The following CPNE8 variants were observed in gnomAD, a reference collection of about 807,000 sequenced individuals.
CPNE8 encodes copine-8.
Under a neutral mutation model 81.5 loss-of-function variants are expected in CPNE8, and 45 were observed. The ratio of observed to expected loss-of-function variants is 0.55; its 90% CI spans 0.44 to 0.71. The LOEUF (loss-of-function observed/expected upper bound fraction) is 0.71, where lower values mean the gene tolerates loss of function less well. Among genes scored for constraint, CPNE8 ranks in the 30% least tolerant of loss-of-function variants. The pLI is 0.00. For synonymous variants in CPNE8, 252 were observed against 226.3 expected (o/e 1.11, Z -1.02); for missense variants, 594 against 672.1 (o/e 0.88, Z 1.28).
intron 6 of CPNE8, among the ~76,000 whole-genome samples, chr12:38,797,298 C>T (rs994459492): frequency 1.3e-5 from 2 of 152,180 alleles, no homozygotes; most frequent in African/African-American, 4.8e-5. Context: ...GAGGCACCCC[C>T]CAGTAGGGGC....
chr12:38,742,713 T>TAA (rs1941139092), intron 10 of CPNE8, among the ~76,000 whole-genome samples: 1 of 69,626 alleles, frequency 1.4e-5, no homozygotes, highest in Admixed American at 1.4e-4. Context: ...TAAATAAATA[T>TAA]AAAACATAAA....
At chr12:38,833,072 A>C (rs114742284) in intron 5 of CPNE8, among the ~76,000 whole-genome samples, 1 of 151,980 alleles carries the variant, frequency 6.6e-6, no homozygotes, top group African/African-American at 2.4e-5. Context: ...TTTTGGCTAC[A>C]CCAGGAGCAG....
chr12:38,833,351 CAAAAA>C (rs774534221), intron 5 of CPNE8, among the ~76,000 whole-genome samples: 7 of 61,870 alleles, frequency 1.1e-4, no homozygotes, highest in Admixed American at 1.9e-4. Context: ...GACCTTATCT[CAAAAA>C]AAAAAAAAAA....
intron 6 of CPNE8, among the ~76,000 whole-genome samples, chr12:38,793,597 G>A (rs987641492): frequency 2.2e-4 from 33 of 151,862 alleles, no homozygotes; most frequent in African/African-American, 7.0e-4. Context: ...GACATCTCAT[G>A]TTCATAGATT....
At chr12:38,740,707 T>A (rs909491894) in intron 10 of CPNE8, among the ~76,000 whole-genome samples, 1 of 152,336 alleles carries the variant, frequency 6.6e-6, no homozygotes, top group East Asian at 1.9e-4. Flanking sequence ...GATTTGCATA[T>A]GTTGAACCAG....
intron 19 of CPNE8, 44 bp downstream of exon 19, chr12:38,670,685 A>G: frequency 5.2e-6 from 7 of 1,334,618 alleles, no homozygotes; most frequent in Non-Finnish European, 7.4e-6. Flanking sequence ...GATCCCAATG[A>G]TATTTTCTAG....
At chr12:38,867,605 A>G (rs1205969889) in intron 3 of CPNE8, among the ~76,000 whole-genome samples, 1 of 152,178 alleles carries the variant, frequency 6.6e-6, no homozygotes, top group African/African-American at 2.4e-5. Flanking sequence ...CAAATTCTAT[A>G]ATTTTAAATG....
intron 13 of CPNE8, 43 bp downstream of exon 13, chr12:38,723,729 A>T (rs780404458): frequency 8.1e-7 from 1 of 1,237,130 alleles, no homozygotes; most frequent in Non-Finnish European, 1.2e-6. Context: ...CACAAATTTT[A>T]GGAAATGCCT....
intron 15 of CPNE8, among the ~76,000 whole-genome samples, chr12:38,690,159 A>G (rs1389353206): frequency 1.3e-5 from 2 of 152,190 alleles, no homozygotes; most frequent in East Asian, 3.8e-4. Context: ...GTTAGAGAAC[A>G]TATATCACAA....
chr12:38,657,201 G>A (rs1435443761), intron 19 of CPNE8, among the ~76,000 whole-genome samples: 2 of 152,202 alleles, frequency 1.3e-5, no homozygotes, highest in Admixed American at 6.5e-5. Flanking sequence ...CATGGTCTTA[G>A]CAACTGGCAG....
chr12:38,902,356 G>GAA (rs748176112), intron 1 of CPNE8, among the ~76,000 whole-genome samples: 4 of 59,108 alleles, frequency 6.8e-5, no homozygotes, highest in African/African-American at 5.0e-4. Context: ...AAGAAAGAAA[G>GAA]AAAGAAAGAA....
chr12:38,896,794 G>A (rs377171093), intron 1 of CPNE8, among the ~76,000 whole-genome samples: 9 of 152,062 alleles, frequency 5.9e-5, no homozygotes, highest in East Asian at 5.8e-4. Context: ...ATAACATGCA[G>A]CTTTATCACT....
chr12:38,709,604 A>T (rs1940198072), intron 13 of CPNE8, among the ~76,000 whole-genome samples: 1 of 152,204 alleles, frequency 6.6e-6, no homozygotes, highest in African/African-American at 2.4e-5. Flanking sequence ...AGGCCCATTA[A>T]GTAGATGACT....
intron 6 of CPNE8, among the ~76,000 whole-genome samples, chr12:38,778,029 A>G (rs937953750): frequency 6.6e-6 from 1 of 152,136 alleles, no homozygotes; most frequent in Admixed American, 6.5e-5. Flanking sequence ...TCACCCCCAC[A>G]TGGGACCATC....
At chr12:38,658,931 G>C (rs917047964) in intron 19 of CPNE8, among the ~76,000 whole-genome samples, 9 of 152,182 alleles carry the variant, frequency 5.9e-5, no homozygotes, top group African/African-American at 1.9e-4. Flanking sequence ...ACTTGTACCA[G>C]CCACTGCAAA....
At chr12:38,795,704 G>T (rs542654519) in intron 6 of CPNE8, among the ~76,000 whole-genome samples, 1 of 152,028 alleles carries the variant, frequency 6.6e-6, no homozygotes. Flanking sequence ...GGTAATTACC[G>T]GCAGCTAGAG....
chr12:38,817,747 C>T (rs946261096), intron 6 of CPNE8, among the ~76,000 whole-genome samples: 2 of 150,946 alleles, frequency 1.3e-5, no homozygotes, highest in African/African-American at 4.9e-5. Flanking sequence ...CCTCAGCCTC[C>T]CGAGTAGCTG....
rs997390810 is a variant in CPNE8, at chr12:38,855,477, A to G, written c.187-6815T>C. 3.9e-5 allele frequency among the ~76,000 whole-genome samples: 6 copies of G among 152,272 alleles called. No homozygotes were observed. The East Asian group carries it at 1.2e-3, about 29-fold the overall frequency. ...ACACTACCTGACTTCAAAATCGATC[A>G]CAATGCTACAGTTACCAACACAGCA... is the stretch of plus-strand genomic sequence containing the variant. On this transcript the variant is annotated intron_variant, in intron 3 of 19. Transcript: ENST00000331366.
At chr12:38,860,681 C>A (rs1565652075) in intron 3 of CPNE8, among the ~76,000 whole-genome samples, 1 of 152,058 alleles carries the variant, frequency 6.6e-6, no homozygotes, top group Non-Finnish European at 1.5e-5. Context: ...GGAAGGAAAT[C>A]ATGCCATTTG....
Sources: gnomAD v4.1 joint callset for allele counts (sites outside exome capture counted in the v4.1 genomes callset) on GRCh38, gnomAD v4.1.1 for gene constraint, MANE v1.5 for transcripts, NCBI Gene and HGNC (gene_info 2026-07-23, HGNC 2026-07-21) for gene names.